The following CAMTA1 variants were observed in gnomAD, a reference collection of about 807,000 sequenced individuals.
CAMTA1 encodes the protein calmodulin binding transcription activator 1.
In CAMTA1, 27 loss-of-function variants were observed where a neutral mutation model predicts 170.9. The observed-to-expected ratio is 0.16, with a 90% CI of 0.12 to 0.22. The LOEUF (loss-of-function observed/expected upper bound fraction) is 0.22, where lower values mean the gene tolerates loss of function less well. Ranked by LOEUF, CAMTA1 falls within the 10% of genes least tolerant of loss-of-function variation. The pLI is 1.00. For synonymous variants in CAMTA1, 833 were observed against 891.5 expected (o/e 0.93, Z 1.17); for missense variants, 1,619 against 2,217.2 (o/e 0.73, Z 5.42).
chr1:7,244,706 A>G (rs533764314), intron 4 of CAMTA1, among the ~76,000 whole-genome samples: 15 of 151,574 alleles, frequency 9.9e-5, no homozygotes, highest in Non-Finnish European at 1.2e-4. Context: ...GCCCATGGAC[A>G]CAGGAAGGGG....
At chr1:7,291,659 C>A (rs888016315) in intron 5 of CAMTA1, among the ~76,000 whole-genome samples, 1 of 152,262 alleles carries the variant, frequency 6.6e-6, no homozygotes, top group Non-Finnish European at 1.5e-5. Flanking sequence ...GGGCTTTAAG[C>A]CTTCACATTT....
At chr1:7,540,425 A>G (rs2094596602) in intron 6 of CAMTA1, among the ~76,000 whole-genome samples, 1 of 152,104 alleles carries the variant, frequency 6.6e-6, no homozygotes, top group Non-Finnish European at 1.5e-5. Flanking sequence ...AGTTTCTGAA[A>G]TCCTGCCACC....
chr1:6,986,891 G>A (rs1441062749), intron 3 of CAMTA1, among the ~76,000 whole-genome samples: 6 of 152,032 alleles, frequency 3.9e-5, no homozygotes, highest in East Asian at 1.9e-4. Flanking sequence ...CAAAGCCTTG[G>A]TGACTTAGGA....
intron 6 of CAMTA1, among the ~76,000 whole-genome samples, chr1:7,555,012 G>A (rs1280195896): frequency 6.6e-6 from 1 of 151,964 alleles, no homozygotes; most frequent in Non-Finnish European, 1.5e-5. Flanking sequence ...GTAATGATGT[G>A]TGAATGCTGG....
intron 5 of CAMTA1, among the ~76,000 whole-genome samples, chr1:7,283,139 C>T (rs1246608820): frequency 6.6e-6 from 1 of 152,098 alleles, no homozygotes; most frequent in Non-Finnish European, 1.5e-5. Context: ...AATCTCTAAC[C>T]TCACCGCTGC....
chr1:7,599,234 A>G (rs985978804), intron 6 of CAMTA1, among the ~76,000 whole-genome samples: 2 of 152,308 alleles, frequency 1.3e-5, no homozygotes, highest in East Asian at 3.9e-4. Flanking sequence ...AGGTTTGTCA[A>G]AGGTCAGATA....
In CAMTA1 at chr1:7,638,865, C is replaced by A. The variant is rs75972464; in HGVS notation, c.511-1535C>A. Among the ~76,000 whole-genome samples the A allele has an allele frequency of 7.7e-3, 1,168 of 152,306 alleles. 16 individuals carry two copies. Among genetic ancestry groups the A allele is most frequent in the African/African-American group, 0.027 (1,125 of 41,558 alleles). On this transcript the variant is annotated intron_variant, in intron 6 of 22. Coordinates refer to ENST00000303635, the MANE Select transcript of CAMTA1 (RefSeq NM_015215.4). ...ATCCCAGGGACACTGCTGCCTTACACAGGCCCCTGGGCATGTCCTATCTGA... is the reference window on the plus strand; with the variant it reads ...ATCCCAGGGACACTGCTGCCTTACAAAGGCCCCTGGGCATGTCCTATCTGA...
intron 5 of CAMTA1, among the ~76,000 whole-genome samples, chr1:7,313,615 C>T (rs926909512): frequency 2.6e-5 from 4 of 152,112 alleles, no homozygotes; most frequent in African/African-American, 9.7e-5. Context: ...AGCATTGGGG[C>T]AGGGGTAATT....
intron 3 of CAMTA1, among the ~76,000 whole-genome samples, chr1:7,071,114 C>A (rs2147920462): frequency 6.6e-6 from 1 of 152,270 alleles, no homozygotes; most frequent in South Asian, 2.1e-4. Context: ...CGAGCCTCCC[C>A]CTCCTCCTCC....
intron 5 of CAMTA1, among the ~76,000 whole-genome samples, chr1:7,420,525 T>A (rs1376759185): frequency 6.6e-6 from 1 of 151,552 alleles, no homozygotes. Flanking sequence ...ACTAAGGGAG[T>A]GAATAGGCCA....
At chr1:7,302,196 A>G (rs1451683607) in intron 5 of CAMTA1, among the ~76,000 whole-genome samples, 1 of 151,966 alleles carries the variant, frequency 6.6e-6, no homozygotes, top group Non-Finnish European at 1.5e-5. Context: ...ATCATTCTCC[A>G]TCAGAAAGCT....
intron 10 of CAMTA1, among the ~76,000 whole-genome samples, chr1:7,676,117 G>C (rs894320663): frequency 2.0e-5 from 3 of 152,222 alleles, no homozygotes; most frequent in Non-Finnish European, 4.4e-5. Flanking sequence ...GGGTGTAGGT[G>C]CTGGCCACCT....
Position 7,665,291 on chromosome 1 carries a change from C to T in CAMTA1, c.2652+92C>T. ...CCCTGCAGCTAAGGGATGCCTGTGG[C>T]TGCCCTTCAGAGGAAGCTCTGGACC... On this transcript the variant is annotated intron_variant, in intron 9 of 22. Coordinates refer to ENST00000303635, the MANE Select transcript of CAMTA1 (RefSeq NM_015215.4). The surrounding 1 kb of genome is among the most constrained non-coding windows in gnomAD (Gnocchi z 4.3). 2 of 1,123,558 alleles carry T rather than the reference C, an allele frequency of 1.8e-6. No individual in the cohort carries two copies. The highest frequency in any genetic ancestry group is 2.4e-6 in the Non-Finnish European group (2 of 845,104). The allele number at this position is 1,123,558 out of a possible 1,614,324, so 69.6% of individuals were successfully genotyped here. A position where few individuals can be genotyped will look rare whatever the true frequency, so the allele number is the denominator to read the frequency against.
intron 4 of CAMTA1, among the ~76,000 whole-genome samples, chr1:7,179,059 C>T (rs190757849): frequency 2.0e-5 from 3 of 152,188 alleles, no homozygotes; most frequent in African/African-American, 4.8e-5. Flanking sequence ...CCCAGGGTGT[C>T]TTCATGACCA....
In CAMTA1 at chr1:7,592,442, G is replaced by A. The variant is rs186169443; in HGVS notation, c.511-47958G>A. On this transcript the variant is annotated intron_variant, in intron 6 of 22. Transcript: ENST00000303635. This position sits in a 1 kb window ranked among gnomAD's most constrained non-coding sequence, Gnocchi z 4.6. ...GTTGCCCGCTTCCTAACAGGAACAGGACAGATATTCATGGAGTGATTGAAT... is the reference window on the plus strand; with the variant it reads ...GTTGCCCGCTTCCTAACAGGAACAGAACAGATATTCATGGAGTGATTGAAT... Among the ~76,000 whole-genome samples, 4 of 152,294 alleles carry A rather than the reference G, an allele frequency of 2.6e-5. No homozygotes were observed. The highest frequency in any genetic ancestry group is 1.3e-4 in the Admixed American group (2 of 15,294).
chr1:6,809,178 C>CA (rs1644883036), intron 1 of CAMTA1, among the ~76,000 whole-genome samples: 1 of 152,026 alleles, frequency 6.6e-6, no homozygotes, highest in African/African-American at 2.4e-5. Flanking sequence ...AGGCACCCAC[C>CA]ACCATGCCTG....
intron 3 of CAMTA1, among the ~76,000 whole-genome samples, chr1:6,852,117 C>G (rs1488971871): frequency 6.6e-6 from 1 of 151,734 alleles, no homozygotes; most frequent in African/African-American, 2.4e-5. Flanking sequence ...GCATCCTTCT[C>G]AGAAGGCAAT....
intron 11 of CAMTA1, among the ~76,000 whole-genome samples, chr1:7,727,121 A>AT (rs71567310): frequency 0.44 from 57,518 of 130,312 alleles, 13,465 homozygotes; most frequent in Non-Finnish European, 0.49. Flanking sequence ...CCTTGTATTA[A>AT]TTTTTTTTTT....
intron 5 of CAMTA1, among the ~76,000 whole-genome samples, chr1:7,409,599 C>T (rs546908185): frequency 6.2e-4 from 95 of 152,294 alleles, no homozygotes; most frequent in African/African-American, 2.2e-3. Context: ...TTTGACTTCC[C>T]ACTTGACTGT....
Sources: gnomAD v4.1 joint callset for allele counts (sites outside exome capture counted in the v4.1 genomes callset) on GRCh38, gnomAD v4.1.1 for gene constraint, Gnocchi (gnomAD v3.1) non-coding constraint, MANE v1.5 for transcripts, NCBI Gene and HGNC (gene_info 2026-07-23, HGNC 2026-07-21) for gene names.